The following SHTN1 variants were observed in gnomAD, a reference collection of about 807,000 sequenced individuals.
The protein encoded by SHTN1 is shootin 1.
In SHTN1, 42 loss-of-function variants were observed where a neutral mutation model predicts 83.1. The ratio of observed to expected loss-of-function variants is 0.51; its 90% CI spans 0.39 to 0.65. The LOEUF (loss-of-function observed/expected upper bound fraction) is 0.65, where lower values mean the gene tolerates loss of function less well. Ranked by LOEUF, SHTN1 falls within the 30% of genes least tolerant of loss-of-function variation. The pLI is 0.00. For synonymous variants in SHTN1, 224 were observed against 247.7 expected (o/e 0.90, Z 0.90); for missense variants, 622 against 737.8 (o/e 0.84, Z 1.82).
intron 2 of SHTN1, among the ~76,000 whole-genome samples, chr10:116,976,929 CAATA>C (rs1049750947): frequency 4.1e-4 from 63 of 152,314 alleles, no homozygotes; most frequent in African/African-American, 1.5e-3. Context: ...AGAAGCAGGT[CAATA>C]ATGCCTACAG....
intron 11 of SHTN1, among the ~76,000 whole-genome samples, chr10:116,922,640 AAG>A (rs1327569277): frequency 6.6e-6 from 1 of 152,158 alleles, no homozygotes; most frequent in African/African-American, 2.4e-5. Flanking sequence ...GAATAGACTT[AAG>A]CTACACAACA....
At chr10:117,090,711 C>T (rs1220501861) in intron 1 of SHTN1, among the ~76,000 whole-genome samples, 2 of 148,748 alleles carry the variant, frequency 1.3e-5, no homozygotes, top group Non-Finnish European at 3.0e-5. Flanking sequence ...AAATCCGCCC[C>T]GTCCTCTGTT....
intron 16 of SHTN1, chr10:116,900,474 T>C: frequency 7.2e-7 from 1 of 1,381,728 alleles, no homozygotes; most frequent in Non-Finnish European, 9.9e-7. Context: ...TAATTTCCAC[T>C]TACTTTTGGA....
At chr10:116,929,664 AT>A in intron 10 of SHTN1, among the ~76,000 whole-genome samples, 184 bp downstream of exon 10, 1 of 152,338 alleles carries the variant, frequency 6.6e-6, no homozygotes, top group South Asian at 2.1e-4. Context: ...TTTTTGAATT[AT>A]TTAATACAGC....
At chr10:116,992,336 G>C (rs1414586044) in intron 1 of SHTN1, among the ~76,000 whole-genome samples, 1 of 152,160 alleles carries the variant, frequency 6.6e-6, no homozygotes, top group Non-Finnish European at 1.5e-5. Flanking sequence ...AACTCTCTGA[G>C]GAATTAAAAA....
chr10:117,093,233 G>A (rs1237842719), intron 1 of SHTN1, among the ~76,000 whole-genome samples: 1 of 152,106 alleles, frequency 6.6e-6, no homozygotes, highest in Non-Finnish European at 1.5e-5. Context: ...GAAATTGGAG[G>A]CAGCAGAGCC....
chr10:117,092,491 G>A (rs886857351), intron 1 of SHTN1, among the ~76,000 whole-genome samples: 5 of 152,072 alleles, frequency 3.3e-5, no homozygotes, highest in Non-Finnish European at 4.4e-5. Flanking sequence ...ATGCAGACAC[G>A]GTATTTAAAA....
intron 9 of SHTN1, among the ~76,000 whole-genome samples, chr10:116,932,517 C>G (rs1290956669): frequency 6.6e-6 from 1 of 152,134 alleles, no homozygotes; most frequent in Non-Finnish European, 1.5e-5. Context: ...CGAAACTGGT[C>G]CCTAGTGCCA....
intron 1 of SHTN1, among the ~76,000 whole-genome samples, chr10:117,113,625 T>A (rs903481660): frequency 6.6e-6 from 1 of 152,136 alleles, no homozygotes; most frequent in Non-Finnish European, 1.5e-5. Flanking sequence ...TAGAATAACA[T>A]CACTTGGCCA....
intron 4 of SHTN1, among the ~76,000 whole-genome samples, chr10:116,958,120 T>C (rs1461766493): frequency 6.6e-6 from 1 of 152,184 alleles, no homozygotes; most frequent in Non-Finnish European, 1.5e-5. Flanking sequence ...ACATTCCATT[T>C]GTCATTAATT....
At chr10:116,990,244 AG>A (rs1450993006) in intron 1 of SHTN1, among the ~76,000 whole-genome samples, 1 of 150,000 alleles carries the variant, frequency 6.7e-6, no homozygotes, top group African/African-American at 2.5e-5. Context: ...CACCCAGAAA[AG>A]GCCTTTGTTT....
intron 1 of SHTN1, among the ~76,000 whole-genome samples, chr10:117,074,195 A>G (rs2133605424): frequency 6.6e-6 from 1 of 152,286 alleles, no homozygotes; most frequent in African/African-American, 2.4e-5. Flanking sequence ...CAAACACCAA[A>G]TGACCCTGTT....
upstream of SHTN1, among the ~76,000 whole-genome samples, chr10:117,009,587 C>T (rs531222576): frequency 2.6e-5 from 4 of 152,086 alleles, no homozygotes; most frequent in Admixed American, 6.6e-5. Context: ...AGGGTTGATT[C>T]GGTAAGAATA....
intron 2 of SHTN1, among the ~76,000 whole-genome samples, chr10:117,041,983 G>C (rs1852590609): frequency 6.6e-6 from 1 of 152,164 alleles, no homozygotes; most frequent in Non-Finnish European, 1.5e-5. Flanking sequence ...CTACTTGTCA[G>C]AACTGCAGTT....
At chr10:117,017,948 A>G (rs1852204943) in intron 2 of SHTN1, among the ~76,000 whole-genome samples, 1 of 152,212 alleles carries the variant, frequency 6.6e-6, no homozygotes, top group African/African-American at 2.4e-5. Flanking sequence ...AGAAAGACAA[A>G]CACAACTTGA....
At chr10:116,938,586 T>C (rs1351349010) in intron 9 of SHTN1, among the ~76,000 whole-genome samples, 1 of 152,166 alleles carries the variant, frequency 6.6e-6, no homozygotes, top group Admixed American at 6.5e-5. Flanking sequence ...AGCTCTCCTG[T>C]ATGAGGTGTC....
chr10:117,071,810 G>A (rs774821856), intron 1 of SHTN1, among the ~76,000 whole-genome samples: 10 of 152,156 alleles, frequency 6.6e-5, no homozygotes, highest in South Asian at 2.1e-4. Context: ...AGGCCGAGGC[G>A]GGCAGGAGAC....
intron 2 of SHTN1, among the ~76,000 whole-genome samples, chr10:117,037,083 T>C (rs1313578673): frequency 1.3e-5 from 2 of 152,206 alleles, no homozygotes; most frequent in Non-Finnish European, 2.9e-5. Context: ...AAGGTTAATA[T>C]ACGAAAGTCA....
chr10:117,082,304 AT>A lies in SHTN1; in HGVS notation c.-188-33795del, dbSNP rs1437365289. Among the ~76,000 whole-genome samples the A allele has an allele frequency of 3.1e-3, 432 of 137,942 alleles. 2 individuals are homozygous for A. The highest frequency in any genetic ancestry group is 0.011 in the African/African-American group (407 of 36,756). 90.5% of individuals were successfully genotyped at this position (137,942 alleles called of 152,430 possible). A position where few individuals can be genotyped will look rare whatever the true frequency, so the allele number is the denominator to read the frequency against. ...TCATTTCGTTATGTACCCAGTAGTC[AT>A]TCAGGAGCAGGTTGTTCAGTTTCCA... On this transcript the variant is annotated intron_variant, in intron 1 of 17. Coordinates refer to the SHTN1 transcript ENST00000392901.
Sources: allele counts gnomAD v4.1 joint callset (sites outside exome capture counted in the v4.1 genomes callset), GRCh38; gene constraint gnomAD v4.1.1; transcripts MANE v1.5; gene names NCBI Gene and HGNC (gene_info 2026-07-23, HGNC 2026-07-21).